The following WWOX variants were observed in gnomAD, a reference collection of about 807,000 sequenced individuals.
WWOX encodes the protein WW domain-containing oxidoreductase.
A neutral mutation model predicts 46.2 loss-of-function variants in WWOX; 69 were observed. That is an observed-to-expected ratio of 1.49 (90% CI 1.23 to 1.82). The LOEUF is 1.82. Ranked by LOEUF, WWOX falls within the 40% of genes most tolerant of loss-of-function variation. The pLI, the probability that WWOX is intolerant of heterozygous loss-of-function variation, is 0.00. For synonymous variants in WWOX, 359 were observed against 202.6 expected, an observed-to-expected ratio of 1.77 and a Z score of -6.56; for missense variants, 919 against 542.6, an observed-to-expected ratio of 1.69 and a Z score of -6.89.
chr16:78,957,913 G>A (rs890207405), intron 8 of WWOX, among the ~76,000 whole-genome samples: 4 of 152,292 alleles, frequency 2.6e-5, no homozygotes, highest in East Asian at 1.9e-4. Context: ...TCTTTTGTTT[G>A]TGCAACAACT....
intron 8 of WWOX, among the ~76,000 whole-genome samples, chr16:78,857,089 G>T (rs959624285): frequency 6.6e-6 from 1 of 152,224 alleles, no homozygotes; most frequent in African/African-American, 2.4e-5. Flanking sequence ...TGCATATGTG[G>T]TTCATTGTTG....
rs529958529 is a variant in WWOX, at chr16:78,601,311, A to G, written c.1056+168559A>G. Reference sequence around the variant, plus strand: ...AAGCAAGTTGCAAACTCTGAATTCTATAAACTGTTGGAGACAGATTCTGGA... The same window carrying G: ...AAGCAAGTTGCAAACTCTGAATTCTGTAAACTGTTGGAGACAGATTCTGGA... On this transcript the variant is annotated intron_variant, in intron 8 of 8. Transcript: ENST00000566780. Among the ~76,000 whole-genome samples the G allele has an allele frequency of 9.9e-5, 15 of 152,220 alleles. No individual in the cohort carries two copies. In the South Asian group the frequency reaches 2.3e-3, roughly 23 times the overall value.
At chr16:78,572,911 G>T (rs1222992346) in intron 8 of WWOX, among the ~76,000 whole-genome samples, 1 of 152,098 alleles carries the variant, frequency 6.6e-6, no homozygotes, top group South Asian at 2.1e-4. Context: ...TTATTAAAGT[G>T]TACACACATT....
chr16:78,736,654 G>T (rs1045536214), intron 8 of WWOX, among the ~76,000 whole-genome samples: 16 of 152,096 alleles, frequency 1.1e-4, no homozygotes, highest in Non-Finnish European at 7.3e-5. Context: ...CTACAGTGCA[G>T]TTGCGTGATA....
rs1317893897 is a variant in WWOX at position 78,347,895 on chromosome 16, G to T, written c.517-38965G>T. Among the ~76,000 whole-genome samples, 2 of 121,858 alleles carry T rather than the reference G, an allele frequency of 1.6e-5. 1 individual carries two copies. Among genetic ancestry groups the T allele is most frequent in the Non-Finnish European group, 3.9e-5 (2 of 50,842 alleles). 79.9% of individuals were successfully genotyped at this position (121,858 alleles called of 152,430 possible). A position where few individuals can be genotyped will look rare whatever the true frequency, so the allele number is the denominator to read the frequency against. On this transcript the variant is annotated intron_variant, in intron 5 of 8. Transcript: ENST00000566780. ...AAATGTTGTACATATCTTAAAAGTG[G>T]ATTCCTCATAAAACAATATGGACTA...
chr16:79,071,313 A>G (rs1342900128), intron 8 of WWOX, among the ~76,000 whole-genome samples: 2 of 152,180 alleles, frequency 1.3e-5, no homozygotes, highest in African/African-American at 2.4e-5. Context: ...TGGAGAAAAC[A>G]TACTCTGAGC....
intron 8 of WWOX, among the ~76,000 whole-genome samples, chr16:78,528,957 TTTC>T (rs1597217030): frequency 6.7e-6 from 1 of 148,780 alleles, no homozygotes; most frequent in African/African-American, 2.5e-5. Flanking sequence ...TCTTTCTTTC[TTTC>T]TTTTTTTTTT....
intron 8 of WWOX, among the ~76,000 whole-genome samples, chr16:79,210,128 C>G (rs770331417): frequency 3.9e-5 from 6 of 152,208 alleles, no homozygotes; most frequent in Non-Finnish European, 8.8e-5. Flanking sequence ...TTGTCTCACT[C>G]ACGGTCCACA....
intron 8 of WWOX, among the ~76,000 whole-genome samples, chr16:78,462,541 T>G (rs2083976569): frequency 6.6e-6 from 1 of 152,302 alleles, no homozygotes; most frequent in Non-Finnish European, 1.5e-5. Flanking sequence ...ATGCCTTACC[T>G]CTTCAGTGTC....
At chr16:78,434,367 C>G (rs995378877) in intron 8 of WWOX, among the ~76,000 whole-genome samples, 1 of 152,136 alleles carries the variant, frequency 6.6e-6, no homozygotes, top group African/African-American at 2.4e-5. Flanking sequence ...ACTTTGCTCC[C>G]GATGACTGCA....
At chr16:78,842,555 G>A (rs1271072215) in intron 8 of WWOX, among the ~76,000 whole-genome samples, 1 of 152,096 alleles carries the variant, frequency 6.6e-6, no homozygotes, top group Non-Finnish European at 1.5e-5. Flanking sequence ...AAGATGATTG[G>A]AAACAGTGTA....
intron 8 of WWOX, among the ~76,000 whole-genome samples, chr16:79,098,401 G>A (rs1234654962): frequency 6.6e-6 from 1 of 152,220 alleles, no homozygotes; most frequent in Admixed American, 6.5e-5. Flanking sequence ...ACCAGCAGAA[G>A]AAAGCCCATT....
chr16:78,559,208 G>A (rs77587868), intron 8 of WWOX, among the ~76,000 whole-genome samples: 7,525 of 152,278 alleles, frequency 0.049, 236 homozygotes, highest in Non-Finnish European at 0.073. Context: ...AGCACTGGGA[G>A]CGTTTATGAA....
chr16:79,048,114 A>G (rs569539902), intron 8 of WWOX, among the ~76,000 whole-genome samples: 5 of 152,186 alleles, frequency 3.3e-5, no homozygotes, highest in Non-Finnish European at 7.3e-5. Context: ...CTCAGATCAC[A>G]GACACGGAAA....
At chr16:78,868,519 T>G (rs1006378288) in intron 8 of WWOX, among the ~76,000 whole-genome samples, 1 of 152,208 alleles carries the variant, frequency 6.6e-6, no homozygotes, top group Non-Finnish European at 1.5e-5. Context: ...AATCATATGG[T>G]ATGTGAATTT....
chr16:78,552,709 T>G (rs1466874760), intron 8 of WWOX: 1 of 152,266 alleles, frequency 6.6e-6, no homozygotes, highest in Admixed American at 6.5e-5. Context: ...AAAAGCAGAT[T>G]TTAAGTAACT....
At chr16:78,742,402 C>A (rs1343701564) in intron 8 of WWOX, among the ~76,000 whole-genome samples, 1 of 152,162 alleles carries the variant, frequency 6.6e-6, no homozygotes, top group African/African-American at 2.4e-5. Context: ...AGCGCCCTGG[C>A]TTCTGTGTCT....
intron 5 of WWOX, 25 bp from the exon 6 acceptor site, chr16:78,386,835 T>C (rs2082070918): frequency 1.3e-6 from 2 of 1,597,854 alleles, no homozygotes; most frequent in Admixed American, 1.7e-5. Context: ...TATTTATCAT[T>C]TCTTTTTATT....
At chr16:79,075,712 C>A (rs556948967) in intron 8 of WWOX, among the ~76,000 whole-genome samples, 1 of 152,074 alleles carries the variant, frequency 6.6e-6, no homozygotes, top group Non-Finnish European at 1.5e-5. Flanking sequence ...ATCACCACAC[C>A]TGGCTACTTT....
Sources: gnomAD v4.1 joint callset for allele counts (sites outside exome capture counted in the v4.1 genomes callset) on GRCh38, gnomAD v4.1.1 for gene constraint, MANE v1.5 for transcripts, NCBI Gene and HGNC (gene_info 2026-07-23, HGNC 2026-07-21) for gene names.